MROH2A: variants seen among roughly 807,000 people sequenced by gnomAD.
The protein encoded by MROH2A is maestro heat like repeat family member 2A.
A neutral mutation model predicts 200.4 loss-of-function variants in MROH2A; 174 were observed. The ratio of observed to expected loss-of-function variants is 0.87; its 90% CI spans 0.77 to 0.98. The LOEUF (loss-of-function observed/expected upper bound fraction) is 0.98, where lower values mean the gene tolerates loss of function less well. MROH2A is among the 50% of genes least tolerant of loss of function. The pLI, the probability that MROH2A is intolerant of heterozygous loss-of-function variation, is 0.00. For missense variants in MROH2A, 2,045 were observed against 2,139.6 expected, an observed-to-expected ratio of 0.96 and a Z score of 0.87; for synonymous variants, 829 against 840.4, an observed-to-expected ratio of 0.99 and a Z score of 0.23.
chr2:233,782,179 T>C (rs954193465), intron 3 of MROH2A, among the ~76,000 whole-genome samples: 24 of 152,226 alleles, frequency 1.6e-4, no homozygotes, highest in Non-Finnish European at 3.4e-4. Flanking sequence ...TTTACTCTTT[T>C]TGCTCAGGAT....
Position 233,798,792 on chromosome 2 carries a change from G to C in MROH2A, c.1271G>C (p.Arg424Thr). 1 of 1,550,494 alleles carries C rather than the reference G, an allele frequency of 6.4e-7. No homozygotes were observed. The highest frequency in any genetic ancestry group is 1.2e-5 in the South Asian group (1 of 84,040). The change falls in exon 12 of 42, where the codon AGG becomes ACG. Residue 424 changes from arginine to threonine, a missense_variant. Coordinates refer to ENST00000389758, the MANE Select transcript of MROH2A (RefSeq NM_001394639.1). Reference sequence around the variant, plus strand: ...CTTTCAGAGCCCAGGATGAGTATCAGGGCCATCTACCTGGCTATCCGGGTA... The same window carrying C: ...CTTTCAGAGCCCAGGATGAGTATCACGGCCATCTACCTGGCTATCCGGGTA... Reference protein sequence around the residue: ...VSADEPRMSIRAIYLAIRVVK... With the variant: ...VSADEPRMSITAIYLAIRVVK...
chr2:233,804,428 T>G, intron 17 of MROH2A, 67 bp from the exon 18 acceptor site: 2 of 1,524,642 alleles, frequency 1.3e-6, no homozygotes, highest in Non-Finnish European at 1.8e-6. Flanking sequence ...ATAGAGGGCC[T>G]TGAATACCAG....
Position 233,793,785 on chromosome 2 carries a change from C to T in MROH2A, c.783C>T (p.Arg261=). ...CCCTGAAGGTGTTCCCCATGTATCG[C>T]TACTTCGTGACAGTGTGGCTGAGGC... is the stretch of plus-strand genomic sequence containing the variant. ...EFALKVFPMY[R]YFVTVWLRHY... Residue 261 remains arginine (R), a synonymous_variant, in exon 7 of 42, where the codon CGC becomes CGT. Coordinates refer to ENST00000389758, the MANE Select transcript of MROH2A (RefSeq NM_001394639.1). 1.3e-6 allele frequency: 2 copies of T among 1,485,022 alleles called. No individual in the cohort carries two copies. The highest frequency in any genetic ancestry group is 1.4e-5 in the South Asian group (1 of 72,266). The allele number at this position is 1,485,022 out of a possible 1,614,324, so 92.0% of individuals were successfully genotyped here.
At position 233,812,874 on chromosome 2, in the gene MROH2A, G is replaced by A. The variant is rs145020193; in HGVS notation, c.2652-796G>A. On this transcript the variant is annotated intron_variant, in intron 24 of 41. Coordinates refer to ENST00000389758, the MANE Select transcript of MROH2A (RefSeq NM_001394639.1). ...CTTTTGACCTGGGCTTAGGCAGAAC[G>A]ACTGGACTTGGCGCTTCCTAGGAGA... Among the ~76,000 whole-genome samples the A allele has an allele frequency of 7.9e-4, 120 of 152,330 alleles. 1 individual carries two copies. Among genetic ancestry groups the A allele is most frequent in the African/African-American group, 2.8e-3 (116 of 41,582 alleles).
chr2:233,821,294 G>A (rs1703920271), intron 31 of MROH2A, among the ~76,000 whole-genome samples: 1 of 152,162 alleles, frequency 6.6e-6, no homozygotes, highest in Non-Finnish European at 1.5e-5. Flanking sequence ...GTAGGACTGA[G>A]GTGCCCCTTC....
chr2:233,796,045 G>A lies in MROH2A; in HGVS notation c.1138G>A (p.Ala380Thr), dbSNP rs559303665. The A allele has an allele frequency of 1.2e-4, 184 of 1,550,302 alleles. No individual in the cohort carries two copies. The African/African-American group carries it at 2.1e-3, about 17-fold the overall frequency. ...GATGGTGCACTGCTTCGTAGCCCTT[G>A]GTGAGGCTCTGCGGCAGGGTGCTCC... ...MEMVHCFVAL[A>T]RSYPKELMKF... Residue 380 changes from alanine to threonine, a missense_variant and splice_region_variant, in exon 10 of 42, where the codon GCT becomes ACT. Ala to Thr is a moderately conservative substitution (Grantham distance 58, BLOSUM62 0). This residue lies in a region of MROH2A where 831 missense variants were observed against 800.0 expected (regional missense o/e 1.04). Coordinates refer to ENST00000389758, the MANE Select transcript of MROH2A (RefSeq NM_001394639.1).
At chr2:233,789,740 G>A (rs1701604076) in intron 4 of MROH2A, 112 bp downstream of exon 4, 1 of 1,471,724 alleles carries the variant, frequency 6.8e-7, no homozygotes, top group Non-Finnish European at 9.1e-7. Context: ...CAGAGCAGGG[G>A]TAAGGCTGAG....
intron 38 of MROH2A, 105 bp downstream of exon 38, chr2:233,829,880 C>A: frequency 8.9e-7 from 1 of 1,117,680 alleles, no homozygotes; most frequent in Non-Finnish European, 1.1e-6. Context: ...TTTTCTCTGC[C>A]TCAGTTGGTT....
At chr2:233,823,924 G>A (rs918099213) in intron 35 of MROH2A, among the ~76,000 whole-genome samples, 1 of 152,194 alleles carries the variant, frequency 6.6e-6, no homozygotes, top group African/African-American at 2.4e-5. Context: ...CAGTGACCCA[G>A]GGGACCCAGG....
rs1704746101 is a variant in MROH2A at position 233,831,471 on chromosome 2, C to A, written c.4665C>A (p.Pro1555=). The part of the protein sequence containing the change: ...HFWGWKSLEH[P]SGPSDTATDD... ...GGGGCTGGAAGTCCCTGGAGCATCC[C>A]TCAGGGCCAAGTGATACCGCTACTG... is the stretch of plus-strand genomic sequence containing the variant. The change falls in exon 39 of 42, where the codon CCC becomes CCA. Residue 1555 remains proline, a synonymous_variant. Transcript: ENST00000389758. The A allele has an allele frequency of 6.4e-7, 1 of 1,550,448 alleles. No individual in the cohort carries two copies. The highest frequency in any genetic ancestry group is 8.7e-7 in the Non-Finnish European group (1 of 1,146,980).
intron 15 of MROH2A, among the ~76,000 whole-genome samples, chr2:233,802,774 C>T (rs1266517911): frequency 1.3e-5 from 2 of 152,216 alleles, no homozygotes; most frequent in Non-Finnish European, 2.9e-5. Context: ...ACCATGCTTG[C>T]TCCTGTCCCC....
chr2:233,831,398 T>C lies in MROH2A; in HGVS notation c.4603-11T>C, dbSNP rs1704739724. On this transcript the variant is annotated splice_polypyrimidine_tract_variant and intron_variant, in intron 38 of 41. Transcript: ENST00000389758. ...GGCTGATGGCTCTGCTGCCGTCCTG[T>C]GTCCCTGCAGGCCTGTATGGCTACC... 1.3e-6 allele frequency: 2 copies of C among 1,544,836 alleles called. No individual in the cohort carries two copies. Among genetic ancestry groups the C allele is most frequent in the Admixed American group, 2.0e-5 (1 of 50,150 alleles).
intron 14 of MROH2A, 39 bp downstream of exon 14, chr2:233,800,354 C>A: frequency 8.0e-7 from 1 of 1,257,062 alleles, no homozygotes; most frequent in Non-Finnish European, 1.1e-6. Context: ...TGGGTCACCA[C>A]GCCAGGCTGG....
intron 10 of MROH2A, 27 bp from the exon 11 acceptor site, chr2:233,796,173 G>A (rs956335758): frequency 1.3e-6 from 2 of 1,537,010 alleles, no homozygotes; most frequent in African/African-American, 2.7e-5. Flanking sequence ...CGGTGAGCAT[G>A]ACTAAAGCTG....
chr2:233,789,710 A>G (rs959010499), intron 4 of MROH2A, 82 bp downstream of exon 4: 1 of 1,441,580 alleles, frequency 6.9e-7, no homozygotes, highest in Admixed American at 2.7e-5. Flanking sequence ...GGATGCCCAC[A>G]GCCCTGTGCA....
upstream of MROH2A, among the ~76,000 whole-genome samples, chr2:233,776,251 A>G (rs28900412): frequency 2.6e-5 from 4 of 152,132 alleles, no homozygotes; most frequent in African/African-American, 9.7e-5. Flanking sequence ...CCATAGAAGT[A>G]GTGGTGCAAC....
In MROH2A at chr2:233,789,560, G is replaced by A; in HGVS notation, c.340G>A (p.Glu114Lys). 4.0e-6 allele frequency: 6 copies of A among 1,492,382 alleles called. No individual in the cohort carries two copies. The South Asian group carries it at 5.5e-5, about 14-fold the overall frequency. The allele number at this position is 1,492,382 out of a possible 1,614,324, so 92.4% of individuals were successfully genotyped here. A position where few individuals can be genotyped will look rare whatever the true frequency, so the allele number is the denominator to read the frequency against. ...ILQDIIQQEG[E>K]LEEQCVQRLV... Reference sequence around the variant, plus strand: ...CCAGGACATCATCCAGCAGGAGGGGGAGCTGGAGGAGCAGTGCGTGCAGAG... The same window carrying A: ...CCAGGACATCATCCAGCAGGAGGGGAAGCTGGAGGAGCAGTGCGTGCAGAG... Residue 114 changes from glutamate (E) to lysine (K), a missense_variant, in exon 4 of 42, where the codon GAG (glutamate) becomes AAG (lysine). Coordinates refer to ENST00000389758, the MANE Select transcript of MROH2A (RefSeq NM_001394639.1).
rs1170530530 is a variant in MROH2A at position 233,819,317 on chromosome 2, G to A, written c.3205G>A (p.Val1069Met). The change falls in exon 30 of 42, where the codon GTG (valine) becomes ATG (methionine). Residue 1069 changes from valine (V) to methionine (M), a missense_variant and splice_region_variant. Physicochemically the swap from Val to Met is conservative, Grantham distance 21. Transcript: ENST00000389758. ...IFCASSRIAK[V>M]VCMEFSCDEV... Reference sequence around the variant, plus strand: ...GGGGAGTCACCCGCTCTGCTCCTAGGTGGTCTGCATGGAGTTTAGCTGCGA... The same window carrying A: ...GGGGAGTCACCCGCTCTGCTCCTAGATGGTCTGCATGGAGTTTAGCTGCGA... 1.3e-6 allele frequency: 2 copies of A among 1,550,050 alleles called. No homozygotes were observed. Among genetic ancestry groups the A allele is most frequent in the Admixed American group, 2.0e-5 (1 of 50,980 alleles).
chr2:233,808,331 G>A (rs979215735), intron 21 of MROH2A, among the ~76,000 whole-genome samples: 6 of 152,216 alleles, frequency 3.9e-5, no homozygotes, highest in Admixed American at 2.6e-4. Context: ...CCATTGGCGT[G>A]CGGCTGGTTC....
Sources: allele counts gnomAD v4.1 joint callset (sites outside exome capture counted in the v4.1 genomes callset), GRCh38; gene constraint gnomAD v4.1.1; regional missense constraint gnomAD v4.1.1; transcripts MANE v1.5; gene names NCBI Gene and HGNC (gene_info 2026-07-23, HGNC 2026-07-21).